The following LIFR variants were observed in gnomAD, a reference collection of about 807,000 sequenced individuals.
The protein encoded by LIFR is leukemia inhibitory factor receptor.
In LIFR, 84 loss-of-function variants were observed where a neutral mutation model predicts 122.2. The ratio of observed to expected loss-of-function variants is 0.69; its 90% CI spans 0.58 to 0.82. The LOEUF (loss-of-function observed/expected upper bound fraction) is 0.82, where lower values mean the gene tolerates loss of function less well. Ranked by LOEUF, LIFR falls within the 40% of genes least tolerant of loss-of-function variation. The pLI, the probability that LIFR is intolerant of heterozygous loss-of-function variation, is 0.00. For missense variants in LIFR, 1,294 were observed against 1,311.6 expected, an observed-to-expected ratio of 0.99 and a Z score of 0.21; for synonymous variants, 422 against 434.7, an observed-to-expected ratio of 0.97 and a Z score of 0.36.
chr5:38,509,787 T>C (rs1201683190), intron 7 of LIFR, among the ~76,000 whole-genome samples: 1 of 152,264 alleles, frequency 6.6e-6, no homozygotes, highest in East Asian at 1.9e-4. Context: ...AATTGAGACC[T>C]AAAAATTCTA....
chr5:38,541,684 G>C (rs976117307), intron 1 of LIFR, among the ~76,000 whole-genome samples: 1 of 152,144 alleles, frequency 6.6e-6, no homozygotes, highest in Admixed American at 6.5e-5. Flanking sequence ...GAAGATATAG[G>C]AATCATATCC....
At chr5:38,530,383 CAA>C (rs11293177) in intron 2 of LIFR, 121 bp downstream of exon 2, 5 of 791,128 alleles carry the variant, frequency 6.3e-6, no homozygotes, top group South Asian at 1.5e-5. Context: ...AAAAAGATGA[CAA>C]AAAAAATGAA....
rs1170656486 is a variant in LIFR, at chr5:38,477,677, A to C, written c.*3918T>G. On this transcript the variant is annotated 3_prime_UTR_variant, in exon 20 of 20. Transcript: ENST00000453190. ...CTTCCGAAGTAGATTTGAATCTTTG[A>C]GTCAATAGTCTCAGATCCACACAAG... is the stretch of plus-strand genomic sequence containing the variant. 2 of 217,124 alleles carry C rather than the reference A, an allele frequency of 9.2e-6. No homozygotes were observed. The highest frequency in any genetic ancestry group is 1.9e-5 in the Non-Finnish European group (2 of 107,778). 13.4% of individuals were successfully genotyped at this position (217,124 alleles called of 1,614,324 possible). A position where few individuals can be genotyped will look rare whatever the true frequency, so the allele number is the denominator to read the frequency against.
intron 1 of LIFR, among the ~76,000 whole-genome samples, chr5:38,583,579 T>G (rs1311888263): frequency 1.3e-5 from 2 of 152,174 alleles, no homozygotes; most frequent in Non-Finnish European, 2.9e-5. Context: ...TACCCAAAAT[T>G]TATAAAGAAC....
At position 38,583,874 on chromosome 5, in the gene LIFR, C is replaced by T. The variant is rs140933882; in HGVS notation, c.-20+11387G>A. 6.1e-3 allele frequency among the ~76,000 whole-genome samples: 934 copies of T among 152,246 alleles called. 4 individuals are homozygous for T. The highest frequency in any genetic ancestry group is 0.02 in the African/African-American group (834 of 41,534). Reference sequence around the variant, plus strand: ...TGTTCTCATGGTAGTGAATAAGTCTCATGACATCTGATGGCTTTATAAGGG... The same window carrying T: ...TGTTCTCATGGTAGTGAATAAGTCTTATGACATCTGATGGCTTTATAAGGG... On this transcript the variant is annotated intron_variant, in intron 1 of 19. Transcript: ENST00000263409.
rs143182148 is a variant in LIFR, at chr5:38,498,335, C to T, written c.1671+1178G>A. ...TCCTCTGCTGGTTCCTCCTCCTCTG[C>T]TGGTTCTATGCATGCTGCTGTCACC... On this transcript the variant is annotated intron_variant, in intron 12 of 19. Coordinates refer to ENST00000453190, the MANE Select transcript of LIFR (RefSeq NM_001127671.2). Among the ~76,000 whole-genome samples the T allele has an allele frequency of 5.3e-5, 8 of 152,320 alleles. No individual in the cohort carries two copies. The East Asian group carries it at 1.5e-3, about 29-fold the overall frequency.
chr5:38,576,587 A>G (rs1329865385), intron 1 of LIFR, among the ~76,000 whole-genome samples: 1 of 152,182 alleles, frequency 6.6e-6, no homozygotes, highest in Non-Finnish European at 1.5e-5. Context: ...TAGAAACGTG[A>G]CACCATCCGA....
intron 18 of LIFR, among the ~76,000 whole-genome samples, chr5:38,483,227 C>T (rs895668090): frequency 5.3e-5 from 8 of 152,088 alleles, no homozygotes; most frequent in Admixed American, 3.9e-4. Flanking sequence ...GAAAACTAAA[C>T]GCAACCAAAA....
chr5:38,510,364 A>G (rs1745729388), intron 7 of LIFR, 100 bp downstream of exon 7: 1 of 1,073,550 alleles, frequency 9.3e-7, no homozygotes, highest in Non-Finnish European at 1.4e-6. Flanking sequence ...AGAAAGAAAC[A>G]GAATCACTCC....
At chr5:38,538,665 C>A (rs1747419743) in intron 1 of LIFR, among the ~76,000 whole-genome samples, 1 of 152,202 alleles carries the variant, frequency 6.6e-6, no homozygotes, top group South Asian at 2.1e-4. Context: ...TTTCCCCATC[C>A]TCTCCCTCCA....
chr5:38,557,180 C>T (rs944267960), upstream of LIFR: 6 of 152,372 alleles, frequency 3.9e-5, no homozygotes, highest in African/African-American at 1.2e-4. Context: ...TCCTGGTCCT[C>T]CTGCCGGGTG....
rs1580003342 is a variant in LIFR, at chr5:38,485,987, T to C, written c.2336-7A>G. Reference sequence around the variant, plus strand: ...ACTTTTATGTCAGAACGACCTATTTTTAAAATGAAGTATGTTAGCACTAAT... The same window carrying C: ...ACTTTTATGTCAGAACGACCTATTTCTAAAATGAAGTATGTTAGCACTAAT... On this transcript the variant is annotated splice_polypyrimidine_tract_variant and splice_region_variant and intron_variant, in intron 16 of 19. Transcript: ENST00000453190. 1 of 1,610,192 alleles carries C rather than the reference T, an allele frequency of 6.2e-7. No individual in the cohort carries two copies.
intron 1 of LIFR, among the ~76,000 whole-genome samples, chr5:38,572,800 T>G (rs2112719685): frequency 6.6e-6 from 1 of 152,334 alleles, no homozygotes; most frequent in Non-Finnish European, 1.5e-5. Context: ...TTAGAATCTG[T>G]TATTTCATCT....
chr5:38,496,931 C>G (rs1561143676), intron 12 of LIFR, among the ~76,000 whole-genome samples: 1 of 152,094 alleles, frequency 6.6e-6, no homozygotes, highest in Non-Finnish European at 1.5e-5. Flanking sequence ...GAGCCAAGAT[C>G]ATGCCACTGT....
At chr5:38,595,727 C>CTTTT (rs70978897), upstream of LIFR, among the ~76,000 whole-genome samples, 90 of 91,960 alleles carry the variant, frequency 9.8e-4, 4 homozygotes, top group East Asian at 0.013. Context: ...CACAATAGGT[C>CTTTT]TTTTTTTTTT....
At chr5:38,485,776 G>A (rs1324996865) in intron 17 of LIFR, 43 bp downstream of exon 17, 13 of 1,600,910 alleles carry the variant, frequency 8.1e-6, no homozygotes, top group South Asian at 2.2e-5. Flanking sequence ...AGAACACTAC[G>A]CATGCAGGAT....
At chr5:38,549,252 T>TACACACACACAC (rs58706799) in intron 1 of LIFR, among the ~76,000 whole-genome samples, 1 of 147,804 alleles carries the variant, frequency 6.8e-6, no homozygotes, top group African/African-American at 2.5e-5. Context: ...TAGAAAATTG[T>TACACACACACAC]ACACACACAC....
intron 2 of LIFR, 74 bp downstream of exon 2, chr5:38,530,432 A>G: frequency 7.4e-7 from 1 of 1,359,636 alleles, no homozygotes; most frequent in South Asian, 1.2e-5. Flanking sequence ...TCAATAAAGC[A>G]ACAAAATTGC....
chr5:38,491,806 T>C (rs1483816082), intron 14 of LIFR, among the ~76,000 whole-genome samples: 2 of 152,260 alleles, frequency 1.3e-5, no homozygotes, highest in African/African-American at 4.8e-5. Context: ...GTAATGCAAC[T>C]CAAGCTCAGC....
Sources: gnomAD v4.1 joint callset for allele counts (sites outside exome capture counted in the v4.1 genomes callset) on GRCh38, gnomAD v4.1.1 for gene constraint, MANE v1.5 for transcripts, NCBI Gene and HGNC (gene_info 2026-07-23, HGNC 2026-07-21) for gene names.